Variants in NREP observed in about 807,000 individuals in gnomAD.
NREP encodes the protein neuronal regeneration-related protein.
In NREP, 5 loss-of-function variants were observed where a neutral mutation model predicts 8.6. That is an observed-to-expected ratio of 0.58 (90% CI 0.30 to 1.22). NREP has a LOEUF of 1.22. NREP is among the 50% of genes most tolerant of loss of function. The probability of loss-of-function intolerance (pLI) is 0.07; values close to 1 mark genes in which losing one functional copy is unlikely to be tolerated. For synonymous variants in NREP, 27 were observed against 28.0 expected, an observed-to-expected ratio of 0.96 and a Z score of 0.11; for missense variants, 86 against 82.5, an observed-to-expected ratio of 1.04 and a Z score of -0.17.
At chr5:111,845,248 A>C (rs1258574881) in intron 2 of NREP, among the ~76,000 whole-genome samples, 1 of 150,568 alleles carries the variant, frequency 6.6e-6, no homozygotes, top group African/African-American at 2.4e-5. Context: ...CGTAATGTGA[A>C]ACTGTCCTTT....
chr5:111,930,293 G>A (rs1755500639), intron 2 of NREP, among the ~76,000 whole-genome samples: 1 of 152,076 alleles, frequency 6.6e-6, no homozygotes, highest in Admixed American at 6.6e-5. Context: ...GCTCCCATAA[G>A]GACAAATTCC....
At chr5:111,831,475 C>G (rs985036261) in intron 2 of NREP, among the ~76,000 whole-genome samples, 1 of 152,146 alleles carries the variant, frequency 6.6e-6, no homozygotes, top group Non-Finnish European at 1.5e-5. Flanking sequence ...TGGTTGTCAA[C>G]ATATTTGATG....
chr5:111,791,347 A>G (rs1313198200), intron 2 of NREP, among the ~76,000 whole-genome samples: 3 of 152,112 alleles, frequency 2.0e-5, no homozygotes, highest in African/African-American at 7.2e-5. Context: ...ATATCCTTTG[A>G]CCAACATCTC....
chr5:111,842,128 A>G (rs1753044673), intron 2 of NREP, among the ~76,000 whole-genome samples: 1 of 152,106 alleles, frequency 6.6e-6, no homozygotes, highest in South Asian at 2.1e-4. Flanking sequence ...ATAAGATGTG[A>G]CTCCTTGATG....
At chr5:111,859,254 A>G (rs1753493312) in intron 2 of NREP, among the ~76,000 whole-genome samples, 2 of 152,176 alleles carry the variant, frequency 1.3e-5, no homozygotes, top group Admixed American at 6.6e-5. Flanking sequence ...TTTGGCTGCT[A>G]GACACTCAGA....
chr5:111,923,859 AC>A (rs1355704770), intron 2 of NREP, among the ~76,000 whole-genome samples: 4 of 151,954 alleles, frequency 2.6e-5, no homozygotes, highest in Non-Finnish European at 2.9e-5. Flanking sequence ...CTGGTTAAAG[AC>A]CCTTTTTGAT....
chr5:111,765,740 C>T (rs1314084709), intron 2 of NREP, among the ~76,000 whole-genome samples: 1 of 152,192 alleles, frequency 6.6e-6, no homozygotes. Flanking sequence ...CCCTTGGCAT[C>T]TCTTTATTTC....
At chr5:111,866,222 G>A (rs567089082) in intron 2 of NREP, among the ~76,000 whole-genome samples, 20 of 152,106 alleles carry the variant, frequency 1.3e-4, no homozygotes, top group African/African-American at 3.6e-4. Context: ...GCAACCTATA[G>A]AATGGGAGAA....
At chr5:111,756,496 A>T (rs1310821361) in intron 1 of NREP, among the ~76,000 whole-genome samples, 1 of 152,144 alleles carries the variant, frequency 6.6e-6, no homozygotes, top group African/African-American at 2.4e-5. Flanking sequence ...AGAAACTAAA[A>T]GTTCTCAAAA....
chr5:111,802,061 C>A (rs1028041448), intron 2 of NREP, among the ~76,000 whole-genome samples: 2 of 152,046 alleles, frequency 1.3e-5, no homozygotes, highest in Admixed American at 6.6e-5. Context: ...GAGGGCCCAG[C>A]CATCTGTACT....
upstream of NREP, among the ~76,000 whole-genome samples, chr5:111,761,238 TATATG>T (rs1391646858): frequency 1.3e-5 from 2 of 152,210 alleles, no homozygotes; most frequent in African/African-American, 4.8e-5. Flanking sequence ...GAACAAAACT[TATATG>T]ATGTTTCCTG....
rs184437144 is a variant in NREP at position 111,879,317 on chromosome 5, C to T, written c.135+95957G>A. 1.3e-3 allele frequency among the ~76,000 whole-genome samples: 197 copies of T among 152,190 alleles called. 1 individual carries two copies. Among genetic ancestry groups the T allele is most frequent in the African/African-American group, 3.5e-3 (146 of 41,518 alleles). ...ATTTCTTTATAGCAACAAAAATGGA[C>T]GAACACAGTGTTCTAGGAAGATCAG... On this transcript the variant is annotated intron_variant, in intron 2 of 3. Coordinates refer to the NREP transcript ENST00000395634.
At chr5:111,785,836 G>T (rs1302551956) in intron 2 of NREP, among the ~76,000 whole-genome samples, 7 of 152,128 alleles carry the variant, frequency 4.6e-5, no homozygotes, top group Admixed American at 1.3e-4. Context: ...AGCAAGACTT[G>T]AATCTCTTTC....
intron 2 of NREP, among the ~76,000 whole-genome samples, chr5:111,826,723 C>T (rs6898343): frequency 0.048 from 7,237 of 152,214 alleles, 596 homozygotes; most frequent in African/African-American, 0.16. Context: ...TCGGTAGAGA[C>T]GAGTTTTCGC....
intron 2 of NREP, among the ~76,000 whole-genome samples, chr5:111,917,225 C>T (rs1755087465): frequency 6.6e-6 from 1 of 151,948 alleles, no homozygotes; most frequent in Non-Finnish European, 1.5e-5. Context: ...TAATAGCCTA[C>T]CAACCAAAAA....
At chr5:111,915,605 C>A (rs1755034549) in intron 2 of NREP, among the ~76,000 whole-genome samples, 1 of 152,084 alleles carries the variant, frequency 6.6e-6, no homozygotes, top group South Asian at 2.1e-4. Context: ...AACCAGCAGA[C>A]ACAGCTACCA....
At chr5:111,891,397 A>T (rs772645855) in intron 2 of NREP, among the ~76,000 whole-genome samples, 5 of 152,194 alleles carry the variant, frequency 3.3e-5, no homozygotes, top group Non-Finnish European at 4.4e-5. Flanking sequence ...AAAAAATTTC[A>T]AATGTTCCCT....
At chr5:111,822,059 A>G (rs532275978) in intron 2 of NREP, among the ~76,000 whole-genome samples, 1 of 152,262 alleles carries the variant, frequency 6.6e-6, no homozygotes, top group African/African-American at 2.4e-5. Flanking sequence ...TAGTTAATCA[A>G]ATTTTGAATC....
intron 2 of NREP, among the ~76,000 whole-genome samples, chr5:111,817,677 C>T (rs539025335): frequency 4.0e-5 from 6 of 150,818 alleles, no homozygotes; most frequent in Non-Finnish European, 7.4e-5. Context: ...TAGTGGCGGG[C>T]GCCTGTAGTC....
Sources: gnomAD v4.1 joint callset for allele counts (sites outside exome capture counted in the v4.1 genomes callset) on GRCh38, gnomAD v4.1.1 for gene constraint, MANE v1.5 for transcripts, NCBI Gene and HGNC (gene_info 2026-07-23, HGNC 2026-07-21) for gene names.